The following TAB2 variants were observed in gnomAD, a reference collection of about 807,000 sequenced individuals.
TAB2 encodes the protein TGF-beta-activated kinase 1 and MAP3K7-binding protein 2.
Under a neutral mutation model 65.0 loss-of-function variants are expected in TAB2, and 3 were observed. The observed-to-expected ratio is 0.05, with a 90% CI of 0.02 to 0.12. The LOEUF is 0.12. TAB2 is among the 10% of genes least tolerant of loss of function. The probability of loss-of-function intolerance (pLI) is 1.00; values close to 1 mark genes in which losing one functional copy is unlikely to be tolerated. For missense variants in TAB2, 623 were observed against 840.3 expected (o/e 0.74, Z 3.20); for synonymous variants, 298 against 285.1 (o/e 1.05, Z -0.46).
At chr6:149,230,126 C>T (rs1387361495) in intron 1 of TAB2, 1 of 152,208 alleles carries the variant, frequency 6.6e-6, no homozygotes, top group African/African-American at 2.4e-5. Flanking sequence ...CAAATACCTA[C>T]TGGATGAAAC....
At chr6:149,392,145 C>CG (rs1420292104) in intron 3 of TAB2, among the ~76,000 whole-genome samples, 25 of 14,600 alleles carry the variant, frequency 1.7e-3, no homozygotes, top group South Asian at 2.0e-3. Flanking sequence ...TGGCAGGGGG[C>CG]GGGGGGGCGG....
chr6:149,253,698 C>T (rs538881463), intron 1 of TAB2, among the ~76,000 whole-genome samples: 2 of 148,402 alleles, frequency 1.3e-5, no homozygotes, highest in Admixed American at 6.9e-5. Context: ...CTGAGAGGGG[C>T]GGATCGCAAA....
intron 2 of TAB2, among the ~76,000 whole-genome samples, chr6:149,373,823 A>G (rs1341316656): frequency 6.6e-6 from 1 of 152,164 alleles, no homozygotes; most frequent in Admixed American, 6.5e-5. Flanking sequence ...AAAAGTAACC[A>G]GGGCTGCTTT....
intron 1 of TAB2, among the ~76,000 whole-genome samples, chr6:149,278,103 A>G (rs377428110): frequency 2.0e-5 from 3 of 152,318 alleles, no homozygotes; most frequent in African/African-American, 7.2e-5. Context: ...TTGTTTAATC[A>G]TTGTATTTTC....
chr6:149,245,697 C>A (rs1777696890), intron 1 of TAB2: 1 of 152,092 alleles, frequency 6.6e-6, no homozygotes, highest in Non-Finnish European at 1.5e-5. Context: ...AAACAATGCA[C>A]TCTTTATTCC....
rs750285950 is a variant in TAB2, at chr6:149,409,574, C to T, written c.1940-3C>T. Reference sequence around the variant, plus strand: ...TATAAAATAATTTTTTTCTTTCTTACAGATCAAAGGTCCATCATCAAAACA... The same window carrying T: ...TATAAAATAATTTTTTTCTTTCTTATAGATCAAAGGTCCATCATCAAAACA... On this transcript the variant is annotated splice_region_variant and splice_polypyrimidine_tract_variant and intron_variant, in intron 6 of 6. Transcript: ENST00000637181. 4.6e-5 allele frequency: 74 copies of T among 1,612,512 alleles called. No homozygotes were observed. In the Middle Eastern group the frequency reaches 8.2e-4, roughly 18 times the overall value.
intron 1 of TAB2, among the ~76,000 whole-genome samples, chr6:149,241,106 C>T (rs908443070): frequency 1.3e-5 from 2 of 152,104 alleles, no homozygotes; most frequent in Non-Finnish European, 2.9e-5. Flanking sequence ...AAGGTTTCCA[C>T]CTACACACCA....
chr6:149,406,628 T>C (rs781636036), intron 6 of TAB2, among the ~76,000 whole-genome samples: 28 of 152,216 alleles, frequency 1.8e-4, no homozygotes, highest in Non-Finnish European at 3.2e-4. Context: ...AGTATATTAC[T>C]GGTCTTTAGT....
chr6:149,270,192 C>G lies in TAB2; in HGVS notation c.-121+51416C>G, dbSNP rs1484683879. The stretch of plus-strand genomic sequence containing the variant: ...TGATTTGCATTTCCCTAATTATTAG[C>G]GATGTAAAACATCTTTTTATGTGCT... On this transcript the variant is annotated intron_variant, in intron 1 of 1. Coordinates refer to the TAB2 transcript ENST00000606202. Among the ~76,000 whole-genome samples the G allele has an allele frequency of 3.3e-5, 5 of 152,244 alleles. No homozygotes were observed. The South Asian group carries it at 1.0e-3, about 32-fold the overall frequency.
chr6:149,350,155 C>T (rs1780443250), intron 1 of TAB2, among the ~76,000 whole-genome samples: 2 of 152,066 alleles, frequency 1.3e-5, no homozygotes, highest in South Asian at 4.1e-4. Flanking sequence ...TGGTCTCAAA[C>T]CCGTGACCTC....
chr6:149,344,113 G>T (rs970348062), intron 1 of TAB2, among the ~76,000 whole-genome samples: 1 of 152,206 alleles, frequency 6.6e-6, no homozygotes, highest in Non-Finnish European at 1.5e-5. Context: ...GGTGTTTAAA[G>T]AATTATGTGT....
At chr6:149,331,507 A>C (rs941807771) in intron 1 of TAB2, among the ~76,000 whole-genome samples, 1 of 151,846 alleles carries the variant, frequency 6.6e-6, no homozygotes, top group African/African-American at 2.4e-5. Flanking sequence ...AGTTATTTAC[A>C]TTTTTTTCTT....
At chr6:149,369,270 TG>T (rs1781141004) in intron 1 of TAB2, among the ~76,000 whole-genome samples, 1 of 152,164 alleles carries the variant, frequency 6.6e-6, no homozygotes, top group African/African-American at 2.4e-5. Context: ...AGAATCACCT[TG>T]GGATCTTTTA....
intron 1 of TAB2, among the ~76,000 whole-genome samples, chr6:149,263,087 G>A (rs1039644690): frequency 7.9e-5 from 12 of 152,248 alleles, no homozygotes; most frequent in Middle Eastern, 3.4e-3. Flanking sequence ...TTACAAGCAT[G>A]AGCCACCACA....
chr6:149,289,900 G>A (rs146469591), intron 1 of TAB2, among the ~76,000 whole-genome samples: 26 of 152,162 alleles, frequency 1.7e-4, no homozygotes, highest in East Asian at 1.9e-4. Flanking sequence ...GTGTGGGCGT[G>A]GGGGGCACAG....
intron 1 of TAB2, among the ~76,000 whole-genome samples, chr6:149,308,014 T>C (rs1398283576): frequency 6.6e-6 from 1 of 152,244 alleles, no homozygotes; most frequent in Non-Finnish European, 1.5e-5. Flanking sequence ...TGTAATATTA[T>C]ATTATGACAT....
intron 2 of TAB2, among the ~76,000 whole-genome samples, chr6:149,377,286 C>T (rs2114879620): frequency 6.6e-6 from 1 of 151,684 alleles, no homozygotes; most frequent in African/African-American, 2.4e-5. Context: ...GTCTCGATCT[C>T]CTGACCTCGT....
intron 6 of TAB2, among the ~76,000 whole-genome samples, chr6:149,404,871 A>G (rs1042683280): frequency 6.6e-6 from 1 of 152,254 alleles, no homozygotes; most frequent in Non-Finnish European, 1.5e-5. Flanking sequence ...TAGTTTGGAT[A>G]TGACACCAAA....
At chr6:149,324,826 C>CCT (rs373800058) in intron 1 of TAB2, among the ~76,000 whole-genome samples, 1 of 132,820 alleles carries the variant, frequency 7.5e-6, no homozygotes, top group African/African-American at 2.9e-5. Flanking sequence ...GAAAATATTA[C>CCT]TTTTTTTTTT....
Sources: allele counts gnomAD v4.1 joint callset (sites outside exome capture counted in the v4.1 genomes callset), GRCh38; gene constraint gnomAD v4.1.1; transcripts MANE v1.5; gene names NCBI Gene and HGNC (gene_info 2026-07-23, HGNC 2026-07-21).